The following EPM2A variants were observed in gnomAD, a reference collection of about 807,000 sequenced individuals.
EPM2A encodes the protein laforin.
Under a neutral mutation model 26.5 loss-of-function variants are expected in EPM2A, and 21 were observed. The ratio of observed to expected loss-of-function variants is 0.79; its 90% CI spans 0.56 to 1.14. The LOEUF (loss-of-function observed/expected upper bound fraction) is 1.14. EPM2A is among the 50% of genes most tolerant of loss of function. EPM2A has a pLI of 0.00. For synonymous variants in EPM2A, 217 were observed against 177.6 expected, an observed-to-expected ratio of 1.22 and a Z score of -1.76; for missense variants, 458 against 440.8, an observed-to-expected ratio of 1.04 and a Z score of -0.35.
intron 2 of EPM2A, among the ~76,000 whole-genome samples, chr6:145,664,590 A>G (rs1779007669): frequency 6.6e-6 from 1 of 151,236 alleles, no homozygotes; most frequent in Non-Finnish European, 1.5e-5. Flanking sequence ...CACTGTCAAT[A>G]TTAGACAGAT....
At chr6:145,571,162 C>T (rs1051905658) in intron 2 of EPM2A, among the ~76,000 whole-genome samples, 14 of 146,300 alleles carry the variant, frequency 9.6e-5, no homozygotes, top group Admixed American at 2.7e-4. Context: ...TTCCTGGCCC[C>T]GTGAATCCTG....
chr6:145,662,608 G>C (rs939045611), intron 2 of EPM2A, among the ~76,000 whole-genome samples: 15 of 152,264 alleles, frequency 9.9e-5, no homozygotes, highest in African/African-American at 3.4e-4. Context: ...GGAATTTACA[G>C]TCAAGGAGCA....
At chr6:145,574,569 G>T (rs1199075078) in intron 2 of EPM2A, among the ~76,000 whole-genome samples, 3 of 152,178 alleles carry the variant, frequency 2.0e-5, no homozygotes, top group African/African-American at 4.8e-5. Context: ...ACAAGGCATT[G>T]GTCAAGGGTA....
chr6:145,489,193 G>A (rs1423306978), intron 4 of EPM2A, among the ~76,000 whole-genome samples: 9 of 152,216 alleles, frequency 5.9e-5, no homozygotes, highest in South Asian at 2.1e-4. Flanking sequence ...TGCAATGTTC[G>A]TCATGCAGCC....
intron 2 of EPM2A, among the ~76,000 whole-genome samples, chr6:145,678,340 G>T (rs926006858): frequency 6.6e-6 from 1 of 152,184 alleles, no homozygotes; most frequent in Admixed American, 6.5e-5. Flanking sequence ...ACAGGCATGG[G>T]CAAGGACTTA....
intron 2 of EPM2A, among the ~76,000 whole-genome samples, chr6:145,509,427 C>T (rs778820695): frequency 6.6e-6 from 1 of 152,072 alleles, no homozygotes; most frequent in Non-Finnish European, 1.5e-5. Flanking sequence ...AGATTGGGGG[C>T]CCATTTTTAG....
At chr6:145,402,190 G>T (rs139913406) in intron 4 of EPM2A, among the ~76,000 whole-genome samples, 1 of 152,234 alleles carries the variant, frequency 6.6e-6, no homozygotes, top group Non-Finnish European at 1.5e-5. Context: ...TCATCAAAGT[G>T]AATGATGCTC....
chr6:145,520,173 T>G (rs1472618115), intron 2 of EPM2A, among the ~76,000 whole-genome samples: 2 of 152,204 alleles, frequency 1.3e-5, no homozygotes, highest in African/African-American at 4.8e-5. Flanking sequence ...TCTCCAATTA[T>G]GTTTTCCTAC....
At chr6:145,683,821 C>T (rs1178813833) in intron 2 of EPM2A, among the ~76,000 whole-genome samples, 1 of 152,056 alleles carries the variant, frequency 6.6e-6, no homozygotes, top group Non-Finnish European at 1.5e-5. Context: ...CAACACCTCT[C>T]ACAGGTACAG....
At chr6:145,718,821 C>T (rs941676121) in intron 1 of EPM2A, among the ~76,000 whole-genome samples, 1 of 152,148 alleles carries the variant, frequency 6.6e-6, no homozygotes, top group East Asian at 1.9e-4. Context: ...AGGACATGAA[C>T]AGACACTTCT....
At chr6:145,689,976 A>T (rs968553975) in intron 1 of EPM2A, among the ~76,000 whole-genome samples, 1 of 151,906 alleles carries the variant, frequency 6.6e-6, no homozygotes, top group Non-Finnish European at 1.5e-5. Context: ...CCTCCTTCCC[A>T]CCCGACCATC....
chr6:145,544,716 A>G (rs1780561372), intron 2 of EPM2A, among the ~76,000 whole-genome samples: 1 of 152,208 alleles, frequency 6.6e-6, no homozygotes, highest in Admixed American at 6.5e-5. Flanking sequence ...GAATCACTTC[A>G]AAAGGAGTGG....
At chr6:145,682,090 A>G (rs1286346913) in intron 2 of EPM2A, among the ~76,000 whole-genome samples, 1 of 152,132 alleles carries the variant, frequency 6.6e-6, no homozygotes, top group African/African-American at 2.4e-5. Context: ...CGTTTACAGG[A>G]AGGAGGTTTA....
At chr6:145,596,279 T>C (rs1781342518) in intron 2 of EPM2A, among the ~76,000 whole-genome samples, 2 of 152,314 alleles carry the variant, frequency 1.3e-5, no homozygotes, top group South Asian at 2.1e-4. Flanking sequence ...TGCTTTTATA[T>C]GTTGCTGAAT....
At chr6:145,514,320 G>A (rs772414445) in intron 2 of EPM2A, among the ~76,000 whole-genome samples, 2 of 152,176 alleles carry the variant, frequency 1.3e-5, no homozygotes, top group Middle Eastern at 3.4e-3. Context: ...CCTCAGGGAC[G>A]TGAGCTCAGA....
At chr6:145,599,210 G>A (rs1464511104) in intron 2 of EPM2A, among the ~76,000 whole-genome samples, 3 of 152,090 alleles carry the variant, frequency 2.0e-5, no homozygotes, top group Non-Finnish European at 4.4e-5. Flanking sequence ...GTATAATCAT[G>A]TTAATGATAT....
At chr6:145,558,171 T>C (rs1383685666) in intron 2 of EPM2A, among the ~76,000 whole-genome samples, 1 of 152,158 alleles carries the variant, frequency 6.6e-6, no homozygotes, top group Non-Finnish European at 1.5e-5. Flanking sequence ...CATTTATGGA[T>C]AGAAGCTTAG....
chr6:145,729,380 C>T lies in EPM2A; in HGVS notation c.301+5818G>A, dbSNP rs549674111. On this transcript the variant is annotated intron_variant, in intron 1 of 3. Transcript: ENST00000367519. ...AAAAGCCACAGACACTCAATACCAG[C>T]TCATGAAAGCAGCCATGGGGGCTGT... Among the ~76,000 whole-genome samples the T allele has an allele frequency of 2.0e-5, 3 of 152,354 alleles. No individual in the cohort carries two copies. In the East Asian group the frequency reaches 5.8e-4, roughly 29 times the overall value.
intron 1 of EPM2A, among the ~76,000 whole-genome samples, chr6:145,715,907 G>T (rs1313438432): frequency 1.3e-5 from 2 of 152,034 alleles, no homozygotes; most frequent in East Asian, 3.9e-4. Context: ...TATTACAATG[G>T]AATAATAATA....
Sources: allele counts gnomAD v4.1 joint callset (sites outside exome capture counted in the v4.1 genomes callset), GRCh38; gene constraint gnomAD v4.1.1; transcripts MANE v1.5; gene names NCBI Gene and HGNC (gene_info 2026-07-23, HGNC 2026-07-21).